ZNF385B: variants seen among roughly 807,000 people sequenced by gnomAD.
The protein encoded by ZNF385B is zinc finger protein 385B.
ZNF385B carries 23 observed loss-of-function variants against 39.2 expected under a neutral mutation model. The ratio of observed to expected loss-of-function variants is 0.59; its 90% CI spans 0.42 to 0.83. ZNF385B has a LOEUF of 0.83. Ranked by LOEUF, ZNF385B falls within the 40% of genes least tolerant of loss-of-function variation. The pLI is 0.00. For missense variants in ZNF385B, 552 were observed against 598.9 expected (o/e 0.92, Z 0.82); for synonymous variants, 205 against 222.6 (o/e 0.92, Z 0.70).
rs190705335 is a variant in ZNF385B at position 179,496,514 on chromosome 2, T to C, written c.553-13080A>G. 1.4e-4 allele frequency among the ~76,000 whole-genome samples: 21 copies of C among 152,262 alleles called. No individual in the cohort carries two copies. In the East Asian group the frequency reaches 4.0e-3, roughly 29 times the overall value. Reference sequence around the variant, plus strand: ...GAAGGTTTAGAACACCAAGTAGATTTAACCCAAAAAGACTACCTCAAGGCA... The same window carrying C: ...GAAGGTTTAGAACACCAAGTAGATTCAACCCAAAAAGACTACCTCAAGGCA... On this transcript the variant is annotated intron_variant, in intron 5 of 9. Coordinates refer to ENST00000410066, the MANE Select transcript of ZNF385B (RefSeq NM_152520.6).
chr2:179,822,664 T>C (rs1327760160), intron 1 of ZNF385B, among the ~76,000 whole-genome samples: 1 of 152,198 alleles, frequency 6.6e-6, no homozygotes, highest in African/African-American at 2.4e-5. Context: ...TGTTTACCAT[T>C]TGGGTATAGA....
chr2:179,754,718 T>C (rs1310126415), intron 3 of ZNF385B, among the ~76,000 whole-genome samples: 1 of 152,216 alleles, frequency 6.6e-6, no homozygotes, highest in Non-Finnish European at 1.5e-5. Context: ...TTTATTTGCA[T>C]ACAGGTGTTT....
intron 3 of ZNF385B, among the ~76,000 whole-genome samples, chr2:179,707,256 T>C (rs781539908): frequency 1.3e-5 from 2 of 152,188 alleles, no homozygotes; most frequent in African/African-American, 2.4e-5. Flanking sequence ...TGGTGGCTTC[T>C]CCATCTATGG....
At position 179,701,932 on chromosome 2, in the gene ZNF385B, C is replaced by T. The variant is rs555467911; in HGVS notation, c.298+67571G>A. Among the ~76,000 whole-genome samples, 314 of 152,302 alleles carry T rather than the reference C, an allele frequency of 2.1e-3. 3 individuals carry two copies. Among genetic ancestry groups the T allele is most frequent in the Non-Finnish European group, 3.5e-3 (236 of 68,028 alleles). ...CCAATCCAAGTATAAACTGTCTGTT[C>T]CATCCTAAGCCTCCCAGAGATGAAT... On this transcript the variant is annotated intron_variant, in intron 3 of 9. Coordinates refer to ENST00000410066, the MANE Select transcript of ZNF385B (RefSeq NM_152520.6).
chr2:179,684,808 C>A (rs1697799100), intron 3 of ZNF385B, among the ~76,000 whole-genome samples: 1 of 152,218 alleles, frequency 6.6e-6, no homozygotes, highest in South Asian at 2.1e-4. Context: ...AGGCAACCTA[C>A]CCTCTCCGAG....
chr2:179,542,593 GAACA>G (rs1487119652), intron 4 of ZNF385B, among the ~76,000 whole-genome samples: 1 of 152,088 alleles, frequency 6.6e-6, no homozygotes, highest in Non-Finnish European at 1.5e-5. Context: ...TATGCAACAT[GAACA>G]AACCATTATG....
chr2:179,527,087 T>G (rs1298354122), intron 4 of ZNF385B, among the ~76,000 whole-genome samples: 1 of 152,240 alleles, frequency 6.6e-6, no homozygotes, highest in African/African-American at 2.4e-5. Flanking sequence ...TTGCTACTAC[T>G]ACTATTTTAT....
intron 3 of ZNF385B, among the ~76,000 whole-genome samples, chr2:179,702,429 G>A (rs1190537758): frequency 2.0e-5 from 3 of 152,006 alleles, no homozygotes; most frequent in African/African-American, 7.2e-5. Context: ...TAAAAGGCAG[G>A]CTTGCTTTAT....
chr2:179,675,883 G>A (rs768659592), intron 3 of ZNF385B, among the ~76,000 whole-genome samples: 29 of 151,842 alleles, frequency 1.9e-4, no homozygotes, highest in Admixed American at 4.6e-4. Flanking sequence ...CGCCTCCTGG[G>A]TTCAAGTGAT....
chr2:179,684,526 T>C (rs1697774559), intron 3 of ZNF385B, among the ~76,000 whole-genome samples: 2 of 152,248 alleles, frequency 1.3e-5, no homozygotes, highest in African/African-American at 4.8e-5. Flanking sequence ...TTACACATAT[T>C]AATCCATGAT....
chr2:179,759,141 G>A (rs894971506), intron 3 of ZNF385B, among the ~76,000 whole-genome samples: 3 of 152,012 alleles, frequency 2.0e-5, no homozygotes, highest in African/African-American at 4.8e-5. Context: ...AATATTAAAT[G>A]AGAATGGATA....
chr2:179,833,463 G>T lies in ZNF385B; in HGVS notation c.-155+27638C>A, dbSNP rs530127445. Among the ~76,000 whole-genome samples, 15 of 152,194 alleles carry T rather than the reference G, an allele frequency of 9.9e-5. No homozygotes were observed. The East Asian group carries it at 2.9e-3, about 29-fold the overall frequency. On this transcript the variant is annotated intron_variant, in intron 1 of 9. Coordinates refer to ENST00000410066, the MANE Select transcript of ZNF385B (RefSeq NM_152520.6). ...TAAATTTAAAAGATTTACAATTAAA[G>T]AAGAAAGTAATAATGCAGAATCAAA... is the stretch of plus-strand genomic sequence containing the variant.
At chr2:179,731,204 A>G (rs961556930) in intron 3 of ZNF385B, among the ~76,000 whole-genome samples, 11 of 152,314 alleles carry the variant, frequency 7.2e-5, no homozygotes, top group Non-Finnish European at 7.4e-5. Context: ...TTTTTCCCAC[A>G]ATTACCACGT....
intron 6 of ZNF385B, among the ~76,000 whole-genome samples, chr2:179,460,592 T>A (rs370636693): frequency 5.9e-4 from 90 of 152,320 alleles, no homozygotes; most frequent in Middle Eastern, 3.4e-3. Flanking sequence ...GATTTGTGAC[T>A]TTCCCAATCT....
chr2:179,831,853 TAA>T (rs1708005749), intron 1 of ZNF385B, among the ~76,000 whole-genome samples: 1 of 152,234 alleles, frequency 6.6e-6, no homozygotes, highest in Non-Finnish European at 1.5e-5. Flanking sequence ...TATGGACTCA[TAA>T]AGAGACTGAT....
chr2:179,466,915 C>CAAAAAAAAAAAAAAAAA, intron 6 of ZNF385B, among the ~76,000 whole-genome samples: 1 of 26,938 alleles, frequency 3.7e-5, no homozygotes, highest in Non-Finnish European at 6.2e-5. Flanking sequence ...GCAAGACTGT[C>CAAAAAAAAAAAAAAAAA]AAAAAAAAAA....
chr2:179,784,701 C>T (rs1704883952), intron 1 of ZNF385B, among the ~76,000 whole-genome samples: 1 of 152,042 alleles, frequency 6.6e-6, no homozygotes, highest in African/African-American at 2.4e-5. Flanking sequence ...GGCACTCCAC[C>T]TCATTTGTCA....
intron 3 of ZNF385B, among the ~76,000 whole-genome samples, chr2:179,571,372 C>T (rs1351899774): frequency 8.5e-5 from 13 of 152,172 alleles, no homozygotes; most frequent in Non-Finnish European, 1.8e-4. Context: ...TGAGCATTTA[C>T]TTAAGCTAAG....
In ZNF385B at chr2:179,754,150, C is replaced by T. The variant is rs554337273; in HGVS notation, c.298+15353G>A. ...GAGAGTTTTTAGCATGAAGGGCTGT[C>T]GAATTTTGTCAAAGGCCTTTTCTGC... On this transcript the variant is annotated intron_variant, in intron 3 of 9. Coordinates refer to ENST00000410066, the MANE Select transcript of ZNF385B (RefSeq NM_152520.6). Among the ~76,000 whole-genome samples the T allele has an allele frequency of 5.9e-5, 9 of 152,166 alleles. 1 individual carries two copies. The highest frequency in any genetic ancestry group is 2.1e-4 in the South Asian group (1 of 4,828).
Sources: allele counts gnomAD v4.1 joint callset (sites outside exome capture counted in the v4.1 genomes callset), GRCh38; gene constraint gnomAD v4.1.1; transcripts MANE v1.5; gene names NCBI Gene and HGNC (gene_info 2026-07-23, HGNC 2026-07-21).